Variants in PTPRD observed in about 807,000 individuals in gnomAD.
PTPRD encodes protein tyrosine phosphatase receptor type D.
In PTPRD, 34 loss-of-function variants were observed where a neutral mutation model predicts 214.5. The observed-to-expected ratio is 0.16, with a 90% CI of 0.12 to 0.21. The LOEUF (loss-of-function observed/expected upper bound fraction) is 0.21, where lower values mean the gene tolerates loss of function less well. Ranked by LOEUF, PTPRD falls within the 10% of genes least tolerant of loss-of-function variation. The pLI, the probability that PTPRD is intolerant of heterozygous loss-of-function variation, is 1.00. For missense variants in PTPRD, 2,545 were observed against 2,398.7 expected (o/e 1.06, Z -1.27); for synonymous variants, 1,128 against 845.7 (o/e 1.33, Z -5.79).
intron 11 of PTPRD, among the ~76,000 whole-genome samples, chr9:8,819,348 TTATTA>T (rs763507303): frequency 2.0e-5 from 3 of 152,052 alleles, no homozygotes; most frequent in African/African-American, 4.8e-5. Flanking sequence ...ATATTTTATT[TTATTA>T]TATTTCTCTA....
intron 8 of PTPRD, among the ~76,000 whole-genome samples, chr9:9,453,019 TA>T (rs1348151967): frequency 0.017 from 1,091 of 63,902 alleles, 14 homozygotes; most frequent in African/African-American, 0.066. Flanking sequence ...AAGCCTATTT[TA>T]TTTTTTTTTT....
intron 3 of PTPRD, among the ~76,000 whole-genome samples, chr9:10,328,634 T>C (rs1221708268): frequency 6.6e-6 from 1 of 151,730 alleles, no homozygotes; most frequent in African/African-American, 2.4e-5. Context: ...ACATTAAAAA[T>C]GTTATGCACC....
At chr9:8,542,136 T>A (rs1193331367) in intron 14 of PTPRD, among the ~76,000 whole-genome samples, 1 of 152,070 alleles carries the variant, frequency 6.6e-6, no homozygotes, top group African/African-American at 2.4e-5. Flanking sequence ...ACATAAAGGA[T>A]TGCGATCTTT....
intron 7 of PTPRD, among the ~76,000 whole-genome samples, chr9:9,630,040 A>T (rs1305282497): frequency 2.6e-5 from 4 of 152,190 alleles, no homozygotes; most frequent in Admixed American, 2.6e-4. Context: ...CCTGGATCTG[A>T]GAGTTACTCT....
chr9:10,225,619 T>A (rs566949502), intron 3 of PTPRD, among the ~76,000 whole-genome samples: 6 of 152,188 alleles, frequency 3.9e-5, no homozygotes, highest in Middle Eastern at 6.8e-3. Flanking sequence ...TTGATTCAAC[T>A]CCTTGCTTTT....
chr9:8,735,413 G>A (rs573840468), intron 11 of PTPRD, among the ~76,000 whole-genome samples: 4 of 152,104 alleles, frequency 2.6e-5, no homozygotes, highest in African/African-American at 9.6e-5. Flanking sequence ...CAAAGTGCTA[G>A]GATTACAGGG....
intron 2 of PTPRD, among the ~76,000 whole-genome samples, chr9:10,428,854 G>C (rs1387534351): frequency 1.3e-5 from 2 of 151,902 alleles, no homozygotes; most frequent in Admixed American, 6.6e-5. Flanking sequence ...ATGCAGCCTG[G>C]CATACATGTA....
At chr9:8,627,860 C>T (rs759625010) in intron 14 of PTPRD, among the ~76,000 whole-genome samples, 24 of 151,836 alleles carry the variant, frequency 1.6e-4, no homozygotes, top group Non-Finnish European at 3.2e-4. Context: ...ATTACACCAA[C>T]GAAAGTCAGG....
intron 10 of PTPRD, among the ~76,000 whole-genome samples, chr9:9,084,859 A>G (rs2099764702): frequency 6.6e-6 from 1 of 152,098 alleles, no homozygotes; most frequent in East Asian, 1.9e-4. Context: ...AAATATCAAC[A>G]TTTTATTTTC....
chr9:10,464,428 GAGAC>G lies in PTPRD; in HGVS notation c.-599-123415_-599-123412del, dbSNP rs1272486892. Among the ~76,000 whole-genome samples, 193 of 151,248 alleles carry G rather than the reference GAGAC, an allele frequency of 1.3e-3. 1 individual carries two copies. The highest frequency in any genetic ancestry group is 4.4e-3 in the African/African-American group (183 of 41,220). ...ATAGAGAGACAGAGAGAGAGAGAGA[GAGAC>G]AGAGAGGAAAGGAGGAAAGGAGGAG... is the stretch of plus-strand genomic sequence containing the variant. On this transcript the variant is annotated intron_variant, in intron 2 of 45. Transcript: ENST00000381196.
At chr9:9,075,604 T>C (rs1021024788) in intron 10 of PTPRD, among the ~76,000 whole-genome samples, 1 of 151,658 alleles carries the variant, frequency 6.6e-6, no homozygotes, top group Admixed American at 6.6e-5. Flanking sequence ...TGTTCCCCAC[T>C]CTGTGTCCAA....
chr9:9,751,098 A>C (rs1450442116), intron 6 of PTPRD, among the ~76,000 whole-genome samples: 1 of 152,112 alleles, frequency 6.6e-6, no homozygotes, highest in Non-Finnish European at 1.5e-5. Context: ...CTAAACATGC[A>C]CACTCTTATC....
At chr9:8,500,723 G>A (rs751651710) in intron 24 of PTPRD, 31 bp downstream of exon 24, 36 of 1,606,816 alleles carry the variant, frequency 2.2e-5, no homozygotes, top group Non-Finnish European at 3.0e-5. Context: ...GTGTCAGAAG[G>A]GTGCAAACTG....
At chr9:9,453,913 A>G (rs1444966705) in intron 8 of PTPRD, among the ~76,000 whole-genome samples, 1 of 151,694 alleles carries the variant, frequency 6.6e-6, no homozygotes, top group Non-Finnish European at 1.5e-5. Context: ...GTGTTAGTAT[A>G]TTACTCTACA....
chr9:10,092,354 G>C (rs917362755), intron 3 of PTPRD, among the ~76,000 whole-genome samples: 31 of 151,420 alleles, frequency 2.0e-4, no homozygotes, highest in African/African-American at 7.0e-4. Flanking sequence ...TGCCTAACTT[G>C]ACAGAACATT....
chr9:8,485,106 G>T, intron 29 of PTPRD, 121 bp downstream of exon 29: 1 of 727,354 alleles, frequency 1.4e-6, no homozygotes, highest in Non-Finnish European at 2.3e-6. Flanking sequence ...AGTCACAAAT[G>T]AAAATAGCAA....
At chr9:8,708,827 A>G (rs1565453773) in intron 12 of PTPRD, among the ~76,000 whole-genome samples, 2 of 152,190 alleles carry the variant, frequency 1.3e-5, no homozygotes, top group East Asian at 3.8e-4. Context: ...ACATTAGCCA[A>G]GATGTGGAAG....
chr9:9,093,907 G>A (rs922644138), intron 10 of PTPRD, among the ~76,000 whole-genome samples: 5 of 151,294 alleles, frequency 3.3e-5, no homozygotes, highest in Non-Finnish European at 5.9e-5. Flanking sequence ...CAGTAAAATT[G>A]ATAAACTTCT....
At chr9:9,716,637 C>A (rs1170339307) in intron 7 of PTPRD, among the ~76,000 whole-genome samples, 2 of 152,150 alleles carry the variant, frequency 1.3e-5, no homozygotes, top group Admixed American at 6.5e-5. Flanking sequence ...TGTTTTTTGG[C>A]TGCATAAATG....
Sources: allele counts gnomAD v4.1 joint callset (sites outside exome capture counted in the v4.1 genomes callset), GRCh38; gene constraint gnomAD v4.1.1; transcripts MANE v1.5; gene names NCBI Gene and HGNC (gene_info 2026-07-23, HGNC 2026-07-21).